Variants in KIFAP3 observed in about 807,000 individuals in gnomAD.
KIFAP3 encodes kinesin associated protein 3.
KIFAP3 carries 68 observed loss-of-function variants against 106.5 expected under a neutral mutation model. That is an observed-to-expected ratio of 0.64 (90% CI 0.53 to 0.78). KIFAP3 has a LOEUF of 0.78. Ranked by LOEUF, KIFAP3 falls within the 30% of genes least tolerant of loss-of-function variation. The probability of loss-of-function intolerance (pLI) is 0.00; values close to 1 mark genes in which losing one functional copy is unlikely to be tolerated. For synonymous variants in KIFAP3, 320 were observed against 311.5 expected (o/e 1.03, Z -0.29); for missense variants, 780 against 941.8 (o/e 0.83, Z 2.25).
intron 17 of KIFAP3, among the ~76,000 whole-genome samples, chr1:169,971,904 C>T (rs1247662900): frequency 2.0e-5 from 3 of 151,842 alleles, no homozygotes; most frequent in African/African-American, 7.3e-5. Flanking sequence ...AGGCCCAAAT[C>T]CAGGCAGAAG....
intron 1 of KIFAP3, among the ~76,000 whole-genome samples, chr1:170,084,227 C>A (rs1027154858): frequency 2.6e-5 from 4 of 152,136 alleles, no homozygotes. Flanking sequence ...TTCCTAGAAG[C>A]CTTTTGTAAG....
chr1:169,941,405 T>G (rs1300951022), intron 19 of KIFAP3, among the ~76,000 whole-genome samples: 2 of 152,170 alleles, frequency 1.3e-5, no homozygotes, highest in Non-Finnish European at 2.9e-5. Context: ...TCAGAAACAG[T>G]CTTCTGAGTT....
At chr1:170,003,445 G>A (rs1372220494) in intron 10 of KIFAP3, among the ~76,000 whole-genome samples, 2 of 152,184 alleles carry the variant, frequency 1.3e-5, no homozygotes, top group Non-Finnish European at 2.9e-5. Context: ...CACACCTACT[G>A]GGGGGTGCCT....
At chr1:169,979,854 C>T (rs982589228) in intron 15 of KIFAP3, among the ~76,000 whole-genome samples, 1 of 151,580 alleles carries the variant, frequency 6.6e-6, no homozygotes, top group Admixed American at 6.6e-5. Flanking sequence ...TAATAGTCCT[C>T]CCCCCCACAA....
chr1:170,070,836 T>C (rs1023494930), intron 1 of KIFAP3, among the ~76,000 whole-genome samples: 2 of 152,136 alleles, frequency 1.3e-5, no homozygotes, highest in African/African-American at 2.4e-5. Context: ...ATTAAAAATG[T>C]TTGCATATGA....
chr1:169,987,000 A>G (rs2101920714), intron 11 of KIFAP3, among the ~76,000 whole-genome samples: 1 of 152,180 alleles, frequency 6.6e-6, no homozygotes, highest in South Asian at 2.1e-4. Flanking sequence ...ATCGAGCTAA[A>G]TTAGGACTAA....
At chr1:170,002,739 A>G (rs1167536834) in intron 10 of KIFAP3, among the ~76,000 whole-genome samples, 1 of 152,228 alleles carries the variant, frequency 6.6e-6, no homozygotes, top group Non-Finnish European at 1.5e-5. Context: ...TAATTTGCAT[A>G]GGTTTATAAA....
At chr1:170,076,941 C>T (rs939370234), upstream of KIFAP3, among the ~76,000 whole-genome samples, 10 of 152,182 alleles carry the variant, frequency 6.6e-5, no homozygotes, top group Admixed American at 5.9e-4. Context: ...GAGGTGAACC[C>T]AGCTGGACTT....
At chr1:170,038,548 A>G (rs1294948647) in intron 4 of KIFAP3, 117 bp from the exon 5 acceptor site, 1 of 1,040,086 alleles carries the variant, frequency 9.6e-7, no homozygotes, top group Admixed American at 2.7e-5. Context: ...TTTCCAAAGA[A>G]CTCATAGTAG....
At chr1:170,040,237 C>T (rs1669901816) in intron 3 of KIFAP3, among the ~76,000 whole-genome samples, 1 of 152,072 alleles carries the variant, frequency 6.6e-6, no homozygotes, top group Non-Finnish European at 1.5e-5. Context: ...GTTTCAATCA[C>T]TTTTAAGATA....
chr1:169,976,674 G>T (rs1056740288), intron 16 of KIFAP3, among the ~76,000 whole-genome samples: 2 of 152,000 alleles, frequency 1.3e-5, no homozygotes, highest in African/African-American at 4.8e-5. Flanking sequence ...AATTAGACTT[G>T]TTATTTACCA....
intron 16 of KIFAP3, among the ~76,000 whole-genome samples, 186 bp from the exon 17 acceptor site, chr1:169,972,784 T>A (rs561917464): frequency 6.6e-6 from 1 of 151,580 alleles, no homozygotes. Context: ...AAAACAGGGA[T>A]AGTAGGGACA....
intron 8 of KIFAP3, among the ~76,000 whole-genome samples, chr1:170,031,614 A>G (rs539861049): frequency 5.9e-5 from 9 of 151,930 alleles, no homozygotes; most frequent in Non-Finnish European, 1.0e-4. Flanking sequence ...AAAGATTGAT[A>G]TTATTGAAAA....
intron 1 of KIFAP3, among the ~76,000 whole-genome samples, chr1:170,083,949 C>T (rs1313022898): frequency 1.3e-5 from 2 of 152,188 alleles, no homozygotes; most frequent in Non-Finnish European, 2.9e-5. Flanking sequence ...AATTTGTCAA[C>T]TGTATTTTGA....
chr1:169,979,329 G>A (rs1277465897), intron 15 of KIFAP3, among the ~76,000 whole-genome samples: 2 of 152,044 alleles, frequency 1.3e-5, no homozygotes, highest in Non-Finnish European at 2.9e-5. Flanking sequence ...ACTGTGAGAA[G>A]AGTGTACCAA....
chr1:170,063,765 T>C (rs376288877), intron 1 of KIFAP3, among the ~76,000 whole-genome samples: 29 of 152,194 alleles, frequency 1.9e-4, no homozygotes, highest in African/African-American at 6.5e-4. Context: ...CTCTTCCATA[T>C]TTTTCTCAGT....
intron 1 of KIFAP3, chr1:170,068,248 T>C (rs1468258682): frequency 6.6e-6 from 1 of 152,110 alleles, no homozygotes; most frequent in Non-Finnish European, 1.5e-5. Context: ...GCACAAACAC[T>C]GGACTTATCA....
intron 3 of KIFAP3, 79 bp downstream of exon 3, chr1:170,046,633 T>A (rs889631076): frequency 2.6e-6 from 3 of 1,162,252 alleles, no homozygotes; most frequent in Non-Finnish European, 3.5e-6. Context: ...TTTGATAAAC[T>A]TTTTTTTATA....
At chr1:169,947,417 T>C (rs558651037) in intron 19 of KIFAP3, among the ~76,000 whole-genome samples, 2 of 152,012 alleles carry the variant, frequency 1.3e-5, no homozygotes, top group South Asian at 4.1e-4. Flanking sequence ...TGACTTAAAA[T>C]TCTATTTAAA....
Sources: allele counts gnomAD v4.1 joint callset (sites outside exome capture counted in the v4.1 genomes callset), GRCh38; gene constraint gnomAD v4.1.1; transcripts MANE v1.5; gene names NCBI Gene and HGNC (gene_info 2026-07-23, HGNC 2026-07-21).